PHKA2: variants seen among roughly 807,000 people sequenced by gnomAD.
The protein encoded by PHKA2 is phosphorylase kinase regulatory subunit alpha 2.
In PHKA2, 31 loss-of-function variants were observed where a neutral mutation model predicts 102.0. The ratio of observed to expected loss-of-function variants is 0.30; its 90% CI spans 0.23 to 0.41. The LOEUF is 0.41. Ranked by LOEUF, PHKA2 falls within the 10% of genes least tolerant of loss-of-function variation. The pLI, the probability that PHKA2 is intolerant of heterozygous loss-of-function variation, is 1.00. For missense variants in PHKA2, 858 were observed against 1,023.1 expected, an observed-to-expected ratio of 0.84 and a Z score of 2.20; for synonymous variants, 455 against 416.2, an observed-to-expected ratio of 1.09 and a Z score of -1.13.
chrX:18,968,370 G>A (rs1335857442), intron 1 of PHKA2, among the ~76,000 whole-genome samples: 1 of 112,509 alleles, frequency 8.9e-6, no homozygotes, highest in Non-Finnish European at 1.9e-5. Flanking sequence ...TCACTTTGTG[G>A]CAACGTTATT....
chrX:18,926,405 C>T (rs1209533791), intron 14 of PHKA2, 48 bp downstream of exon 14: 4 of 1,081,250 alleles, frequency 3.7e-6, no homozygotes, highest in East Asian at 6.0e-5. Context: ...AATCTAGAAC[C>T]GAGATGCCCC....
At position 18,908,806 on chromosome X, in the gene PHKA2, G is replaced by A. The variant is rs763720760; in HGVS notation, c.2355C>T (p.Val785=). 8.3e-7 allele frequency: 1 copy of A among 1,202,107 alleles called. No individual in the cohort carries two copies. The highest frequency in any genetic ancestry group is 1.1e-6 in the Non-Finnish European group (1 of 886,747). Reference sequence around the variant, plus strand: ...GAATGGACTCAGACACTTACTTTATGACATAAAGAATGTACAGAATGTCTG... The same window carrying A: ...GAATGGACTCAGACACTTACTTTATAACATAAAGAATGTACAGAATGTCTG... ...DQADILYILY[V]IKGPSWDTNL... The change falls in exon 21 of 33, where the codon GTC becomes GTT. Residue 785 remains valine, a synonymous_variant. Coordinates refer to ENST00000379942, the MANE Select transcript of PHKA2 (RefSeq NM_000292.3).
chrX:18,916,876 A>AT (rs202152356), intron 19 of PHKA2, among the ~76,000 whole-genome samples: 3,645 of 100,627 alleles, frequency 0.036, 53 homozygotes, highest in African/African-American at 0.047. Flanking sequence ...GGGCTAATAC[A>AT]TTTTTTTTTT....
chrX:18,977,138 TTTC>T (rs1216577990), intron 1 of PHKA2, among the ~76,000 whole-genome samples: 20 of 112,432 alleles, frequency 1.8e-4, no homozygotes, highest in Non-Finnish European at 2.3e-4. Context: ...TTCCTTATAA[TTTC>T]TTTTTTGATC....
chrX:18,941,773 G>T, intron 7 of PHKA2, 98 bp from the exon 8 acceptor site: 1 of 631,723 alleles, frequency 1.6e-6, no homozygotes, highest in South Asian at 2.3e-5. Flanking sequence ...ATTCGAATAC[G>T]GTTGCCAATT....
At chrX:18,933,410 C>G (rs1274553491) in intron 11 of PHKA2, among the ~76,000 whole-genome samples, 1 of 113,131 alleles carries the variant, frequency 8.8e-6, no homozygotes, top group African/African-American at 3.2e-5. Flanking sequence ...TGTAGCCACC[C>G]TTGTGCCCCA....
intron 1 of PHKA2, among the ~76,000 whole-genome samples, chrX:18,963,219 G>C (rs1162048912): frequency 8.9e-6 from 1 of 112,673 alleles, no homozygotes; most frequent in African/African-American, 3.2e-5. Context: ...CCCAGCTGCA[G>C]GGAAGGATAT....
At chrX:18,916,070 G>GAAGAT (rs1481571568) in intron 19 of PHKA2, among the ~76,000 whole-genome samples, 2 of 112,013 alleles carry the variant, frequency 1.8e-5, no homozygotes, top group African/African-American at 6.5e-5. Context: ...CGGGAGCAGA[G>GAAGAT]AAGATCCTAA....
chrX:18,980,132 G>A (rs1035371631), intron 1 of PHKA2, among the ~76,000 whole-genome samples: 2 of 112,759 alleles, frequency 1.8e-5, no homozygotes, highest in Non-Finnish European at 3.7e-5. Context: ...AAAAGTCATC[G>A]CCATTCTCCA....
At chrX:18,907,393 G>C (rs952450136) in intron 22 of PHKA2, among the ~76,000 whole-genome samples, 1 of 112,331 alleles carries the variant, frequency 8.9e-6, no homozygotes, top group Non-Finnish European at 1.9e-5. Flanking sequence ...TGGACTCCCT[G>C]CTATTGAGTG....
At chrX:18,927,332 C>T (rs867711077) in intron 13 of PHKA2, among the ~76,000 whole-genome samples, 39 of 112,155 alleles carry the variant, frequency 3.5e-4, no homozygotes, top group African/African-American at 1.2e-3. Flanking sequence ...CTAGGCTGCA[C>T]CTGCTGTACT....
chrX:18,956,031 A>G (rs1052879238), intron 1 of PHKA2, among the ~76,000 whole-genome samples: 2 of 112,343 alleles, frequency 1.8e-5, no homozygotes, highest in Non-Finnish European at 3.8e-5. Context: ...AACGTATAAC[A>G]TAAGCATTTT....
chrX:18,983,596 G>A (rs1033376651), intron 1 of PHKA2, among the ~76,000 whole-genome samples: 6 of 112,316 alleles, frequency 5.3e-5, no homozygotes, highest in African/African-American at 1.6e-4. Flanking sequence ...TTGGACCCGG[G>A]CACGGAGGCG....
At chrX:18,895,442 G>A in intron 30 of PHKA2, 1 of 410,534 alleles carries the variant, frequency 2.4e-6, no homozygotes, top group Non-Finnish European at 4.3e-6. Flanking sequence ...GCCCTAGGGG[G>A]CTGCCGAGTC....
At position 18,894,417 on chromosome X, in the gene PHKA2, C is replaced by G. The variant is rs2047494214; in HGVS notation, c.3337-13G>C. On this transcript the variant is annotated splice_polypyrimidine_tract_variant and intron_variant, in intron 31 of 32. Transcript: ENST00000379942. ...CATGCGGGGTCATCTACCAAAGGGA[C>G]AGGCAGGCAACCACCAGTGAGAGGA... The G allele has an allele frequency of 3.4e-6, 4 of 1,192,710 alleles. No individual in the cohort carries two copies. Among genetic ancestry groups the G allele is most frequent in the Non-Finnish European group, 4.5e-6 (4 of 880,566 alleles).
intron 17 of PHKA2, 147 bp downstream of exon 17, chrX:18,923,909 G>A (rs1268497099): frequency 7.7e-6 from 4 of 521,493 alleles, no homozygotes; most frequent in African/African-American, 2.4e-5. Context: ...ACGGGCGACT[G>A]GATTAGAGAA....
chrX:18,893,858 T>C (rs1048877362), intron 32 of PHKA2, among the ~76,000 whole-genome samples: 1 of 112,433 alleles, frequency 8.9e-6, no homozygotes, highest in African/African-American at 3.2e-5. Flanking sequence ...CTCTGGGCAC[T>C]GCACTCTGTT....
At chrX:18,944,980 A>G in intron 6 of PHKA2, 98 bp downstream of exon 6, 1 of 611,960 alleles carries the variant, frequency 1.6e-6, no homozygotes, top group Non-Finnish European at 2.9e-6. Context: ...GACTTTTGAC[A>G]AATATGCTAA....
chrX:18,966,081 G>GTTTTTTTTTT (rs1178984805), intron 1 of PHKA2, among the ~76,000 whole-genome samples: 1 of 85,099 alleles, frequency 1.2e-5, no homozygotes, highest in African/African-American at 4.9e-5. Flanking sequence ...TGGCTCTTTT[G>GTTTTTTTTTT]TTTTTTTTTT....
Sources: allele counts gnomAD v4.1 joint callset (sites outside exome capture counted in the v4.1 genomes callset), GRCh38; gene constraint gnomAD v4.1.1; transcripts MANE v1.5; gene names NCBI Gene and HGNC (gene_info 2026-07-23, HGNC 2026-07-21).